The following IFT43 variants were observed in gnomAD, a reference collection of about 807,000 sequenced individuals.
The protein encoded by IFT43 is intraflagellar transport protein 43 homolog.
A neutral mutation model predicts 32.3 loss-of-function variants in IFT43; 33 were observed. The observed-to-expected ratio is 1.02, with a 90% confidence interval of 0.77 to 1.37. The LOEUF (loss-of-function observed/expected upper bound fraction) is 1.37. Among genes scored for constraint, IFT43 ranks in the 40% most tolerant of loss-of-function variants. The pLI is 0.00. For synonymous variants in IFT43, 93 were observed against 98.2 expected, an observed-to-expected ratio of 0.95 and a Z score of 0.31; for missense variants, 274 against 265.9, an observed-to-expected ratio of 1.03 and a Z score of -0.21.
chr14:76,050,291 G>A (rs1005056798), intron 3 of IFT43, among the ~76,000 whole-genome samples: 2 of 152,236 alleles, frequency 1.3e-5, no homozygotes, highest in African/African-American at 4.8e-5. Flanking sequence ...TCCAGGTCCA[G>A]CACTGCGTCC....
At chr14:76,018,734 T>C (rs1318860649) in intron 2 of IFT43, among the ~76,000 whole-genome samples, 1 of 152,168 alleles carries the variant, frequency 6.6e-6, no homozygotes, top group Non-Finnish European at 1.5e-5. Flanking sequence ...CAGTGTTGGG[T>C]ACATATATAT....
At chr14:76,026,845 T>C (rs1207639626) in intron 3 of IFT43, among the ~76,000 whole-genome samples, 2 of 152,184 alleles carry the variant, frequency 1.3e-5, no homozygotes, top group African/African-American at 2.4e-5. Flanking sequence ...TGTTCATCAA[T>C]GGTAGACTGG....
intron 2 of IFT43, among the ~76,000 whole-genome samples, chr14:76,019,980 C>T (rs1328282401): frequency 1.3e-5 from 2 of 151,244 alleles, no homozygotes; most frequent in African/African-American, 4.9e-5. Context: ...TTTGTTTGTA[C>T]TCTTTTTTTT....
chr14:75,993,957 T>A (rs2035691303), intron 2 of IFT43, among the ~76,000 whole-genome samples: 1 of 152,120 alleles, frequency 6.6e-6, no homozygotes, highest in Admixed American at 6.5e-5. Flanking sequence ...ACAGCCACAC[T>A]CTCAGTTTCA....
At chr14:76,037,842 G>A (rs2036630803) in intron 3 of IFT43, among the ~76,000 whole-genome samples, 1 of 152,084 alleles carries the variant, frequency 6.6e-6, no homozygotes, top group Non-Finnish European at 1.5e-5. Context: ...GGAACACATA[G>A]GTGCTCCATA....
chr14:76,062,917 CAAAAAAAAAAAAA>C (rs746158153), intron 5 of IFT43, among the ~76,000 whole-genome samples: 1 of 72,478 alleles, frequency 1.4e-5, no homozygotes, highest in African/African-American at 5.9e-5. Flanking sequence ...GATCCCATCT[CAAAAAAAAAAAAA>C]AAAAAAAAAA....
intron 2 of IFT43, among the ~76,000 whole-genome samples, chr14:76,020,001 A>G (rs2036260629): frequency 6.6e-6 from 1 of 151,728 alleles, no homozygotes; most frequent in Admixed American, 6.6e-5. Context: ...TTGGAGACGG[A>G]ATCTCTCCCT....
At chr14:76,034,193 T>A (rs1159912725) in intron 3 of IFT43, among the ~76,000 whole-genome samples, 1 of 152,212 alleles carries the variant, frequency 6.6e-6, no homozygotes, top group Non-Finnish European at 1.5e-5. Context: ...ACAACAAACC[T>A]TTATTTCTCA....
At chr14:76,016,158 A>G (rs1395130958) in intron 2 of IFT43, among the ~76,000 whole-genome samples, 2 of 152,160 alleles carry the variant, frequency 1.3e-5, no homozygotes, top group Non-Finnish European at 2.9e-5. Context: ...GCTGTGCAGA[A>G]GGTTTCTTTT....
chr14:75,997,738 TAA>T (rs2035773969), intron 2 of IFT43, among the ~76,000 whole-genome samples: 1 of 149,702 alleles, frequency 6.7e-6, no homozygotes, highest in African/African-American at 2.5e-5. Flanking sequence ...TATTAGAAAA[TAA>T]AAGTGTTTGT....
chr14:76,077,501 G>A (rs1329936737), intron 5 of IFT43, among the ~76,000 whole-genome samples: 2 of 152,158 alleles, frequency 1.3e-5, no homozygotes, highest in African/African-American at 4.8e-5. Flanking sequence ...ATGCACAGAT[G>A]CCTGGGATGT....
intron 3 of IFT43, among the ~76,000 whole-genome samples, chr14:76,033,928 A>T (rs1356440292): frequency 6.6e-6 from 1 of 152,222 alleles, no homozygotes; most frequent in African/African-American, 2.4e-5. Flanking sequence ...GGAGTGTCTT[A>T]TAGCGGAGAT....
chr14:76,032,278 T>C (rs2036522198), intron 3 of IFT43, among the ~76,000 whole-genome samples: 1 of 152,234 alleles, frequency 6.6e-6, no homozygotes, highest in Admixed American at 6.5e-5. Context: ...CATCATTTCT[T>C]GCACTGGCTC....
At chr14:76,055,209 G>A (rs563396580) in intron 3 of IFT43, among the ~76,000 whole-genome samples, 3 of 151,880 alleles carry the variant, frequency 2.0e-5, no homozygotes, top group Non-Finnish European at 2.9e-5. Flanking sequence ...AGCCAGGCAC[G>A]GTGGCACGCA....
chr14:75,988,679 A>C (rs1261542493), intron 1 of IFT43, among the ~76,000 whole-genome samples: 4 of 152,126 alleles, frequency 2.6e-5, no homozygotes, highest in African/African-American at 9.7e-5. Flanking sequence ...CCACAACGCC[A>C]GGCTAATCTT....
At chr14:76,028,016 C>T (rs2036436550) in intron 3 of IFT43, among the ~76,000 whole-genome samples, 1 of 151,916 alleles carries the variant, frequency 6.6e-6, no homozygotes, top group Non-Finnish European at 1.5e-5. Context: ...GTCTCACATT[C>T]TGGGTTTCTC....
chr14:76,082,277 C>T lies in IFT43; in HGVS notation c.296-18C>T. The T allele has an allele frequency of 6.2e-7, 1 of 1,612,146 alleles. No individual in the cohort carries two copies. The highest frequency in any genetic ancestry group is 8.5e-7 in the Non-Finnish European group (1 of 1,178,160). On this transcript the variant is annotated intron_variant, in intron 5 of 8. Coordinates refer to ENST00000314067, the MANE Select transcript of IFT43 (RefSeq NM_001102564.3). ...CTATGAGTTCTGCAGACAGTGTTGC[C>T]TCTGCCTCTCCTTGCAGATATTCCT... is the stretch of plus-strand genomic sequence containing the variant.
At position 76,058,626 on chromosome 14, in the gene IFT43, TC is replaced by T. The variant is rs762971578; in HGVS notation, c.216-15del. ...GTGGGCTCTCAAAAACCTTGTCTTT[TC>T]TTTTTTTTTTTCAGGTTTAGGAGGA... On this transcript the variant is annotated splice_polypyrimidine_tract_variant and intron_variant, in intron 3 of 8. Transcript: ENST00000314067. 6.3e-7 allele frequency: 1 copy of T among 1,590,534 alleles called. No homozygotes were observed. The highest frequency in any genetic ancestry group is 8.5e-7 in the Non-Finnish European group (1 of 1,171,274).
intron 4 of IFT43, 86 bp from the exon 5 acceptor site, chr14:76,059,241 A>G: frequency 6.2e-7 from 1 of 1,611,386 alleles, no homozygotes; most frequent in Non-Finnish European, 8.5e-7. Flanking sequence ...TCTAGGAGAA[A>G]GAATGGATAC....
Sources: gnomAD v4.1 joint callset for allele counts (sites outside exome capture counted in the v4.1 genomes callset) on GRCh38, gnomAD v4.1.1 for gene constraint, MANE v1.5 for transcripts, NCBI Gene and HGNC (gene_info 2026-07-23, HGNC 2026-07-21) for gene names.